TRAF3IP2: variants seen among roughly 807,000 people sequenced by gnomAD.
The protein encoded by TRAF3IP2 is TRAF3 interacting protein 2.
A neutral mutation model predicts 57.9 loss-of-function variants in TRAF3IP2; 35 were observed. That is an observed-to-expected ratio of 0.60 (90% CI 0.46 to 0.80). The LOEUF is 0.80. Among genes scored for constraint, TRAF3IP2 ranks in the 30% least tolerant of loss-of-function variants. The pLI, the probability that TRAF3IP2 is intolerant of heterozygous loss-of-function variation, is 0.00. For synonymous variants in TRAF3IP2, 251 were observed against 268.9 expected, an observed-to-expected ratio of 0.93 and a Z score of 0.65; for missense variants, 556 against 706.4, an observed-to-expected ratio of 0.79 and a Z score of 2.41.
intron 8 of TRAF3IP2, among the ~76,000 whole-genome samples, chr6:111,561,979 C>G (rs750064133): frequency 6.6e-6 from 1 of 152,302 alleles, no homozygotes; most frequent in African/African-American, 2.4e-5. Context: ...TGTCCCGTTC[C>G]CATAAACTGG....
intron 1 of TRAF3IP2, among the ~76,000 whole-genome samples, chr6:111,599,153 C>T (rs534879873): frequency 3.4e-5 from 5 of 147,600 alleles, no homozygotes; most frequent in Middle Eastern, 3.6e-3. Flanking sequence ...GGCAATCCTT[C>T]TGCCTCGTCC....
At chr6:111,589,210 G>A (rs1333250641) in intron 2 of TRAF3IP2, among the ~76,000 whole-genome samples, 10 of 151,422 alleles carry the variant, frequency 6.6e-5, no homozygotes, top group Non-Finnish European at 1.5e-4. Context: ...ACAGGCGCCC[G>A]CCACAACAAC....
chr6:111,605,569 T>C (rs1277001168), intron 1 of TRAF3IP2, among the ~76,000 whole-genome samples: 1 of 152,250 alleles, frequency 6.6e-6, no homozygotes, highest in African/African-American at 2.4e-5. Context: ...CCTGAAATAC[T>C]ATACTAGCAA....
In TRAF3IP2 at chr6:111,575,726, G is replaced by A. The variant is rs747713162; in HGVS notation, c.1118C>T (p.Pro373Leu). ...GGGTCTAGGCACAGCAGCTGGGGAC[G>A]GAGGCTGGGGAACCTGTGGTCTCAG... ...AELRPQVPQP[P>L]SPAAVPRPPS... Residue 373 changes from proline (P) to leucine (L), a missense_variant, in exon 4 of 9, where the codon CCG (proline) becomes CTG (leucine). Physicochemically the swap from Pro to Leu is moderately conservative, Grantham distance 98. This residue lies in a region of TRAF3IP2 where 428 missense variants were observed against 498.7 expected (regional missense o/e 0.86). Coordinates refer to ENST00000368761, the MANE Select transcript of TRAF3IP2 (RefSeq NM_147686.4). The A allele has an allele frequency of 2.5e-5, 41 of 1,612,640 alleles. 1 individual carries two copies. Among genetic ancestry groups the A allele is most frequent in the East Asian group, 8.9e-5 (4 of 44,870 alleles).
At chr6:111,565,519 C>T (rs1438544823) in intron 7 of TRAF3IP2, among the ~76,000 whole-genome samples, 1 of 152,122 alleles carries the variant, frequency 6.6e-6, no homozygotes, top group Non-Finnish European at 1.5e-5. Context: ...GAGGCGCAGA[C>T]CCAGCCCCTC....
At chr6:111,576,172 G>A (rs1795980009) in intron 3 of TRAF3IP2, among the ~76,000 whole-genome samples, 1 of 152,132 alleles carries the variant, frequency 6.6e-6, no homozygotes, top group Admixed American at 6.5e-5. Context: ...GATGTTATAG[G>A]CATTCAGATA....
At chr6:111,564,674 G>C (rs971145174) in intron 7 of TRAF3IP2, among the ~76,000 whole-genome samples, 6 of 152,192 alleles carry the variant, frequency 3.9e-5, no homozygotes, top group Non-Finnish European at 7.3e-5. Flanking sequence ...CCCCTTCTAT[G>C]ATGAGTAAGG....
Position 111,575,994 on chromosome 6 carries a change from C to T in TRAF3IP2, c.1023-173G>A, listed in dbSNP as rs60168810. On this transcript the variant is annotated intron_variant, in intron 3 of 8. Coordinates refer to ENST00000368761, the MANE Select transcript of TRAF3IP2 (RefSeq NM_147686.4). The stretch of plus-strand genomic sequence containing the variant: ...GCTCCATGGAGTTGTAGTCAATAAG[C>T]GTTTCAGCTGGCTGCCACATGTGAG... Among the ~76,000 whole-genome samples, 1,311 of 152,274 alleles carry T rather than the reference C, an allele frequency of 8.6e-3. 21 individuals carry two copies. The highest frequency in any genetic ancestry group is 0.03 in the African/African-American group (1,232 of 41,544).
intron 5 of TRAF3IP2, among the ~76,000 whole-genome samples, chr6:111,571,374 G>C (rs949997899): frequency 1.1e-4 from 16 of 152,126 alleles, no homozygotes; most frequent in Admixed American, 4.6e-4. Context: ...CACTGCGCCT[G>C]GCCATAGTTT....
intron 5 of TRAF3IP2, among the ~76,000 whole-genome samples, chr6:111,569,844 G>T (rs1015635620): frequency 6.6e-5 from 10 of 152,334 alleles, no homozygotes; most frequent in Middle Eastern, 6.8e-3. Flanking sequence ...GACATCCTGG[G>T]TGGTGCAATG....
intron 1 of TRAF3IP2, among the ~76,000 whole-genome samples, chr6:111,604,488 A>G (rs1317001915): frequency 1.3e-5 from 2 of 152,200 alleles, no homozygotes; most frequent in African/African-American, 4.8e-5. Flanking sequence ...GGACAATAGC[A>G]CAGACTATCC....
Position 111,569,952 on chromosome 6 carries a change from G to A in TRAF3IP2, c.1291-2260C>T, listed in dbSNP as rs116603666. 9.9e-4 allele frequency among the ~76,000 whole-genome samples: 150 copies of A among 152,206 alleles called. 1 individual carries two copies. Among genetic ancestry groups the A allele is most frequent in the African/African-American group, 3.3e-3 (138 of 41,520 alleles). ...CACAGCTACTATTATGGGCTGAATT[G>A]TGTTCCCAAAATTCCTATGTTGAAG... is the stretch of plus-strand genomic sequence containing the variant. On this transcript the variant is annotated intron_variant, in intron 5 of 8. Transcript: ENST00000368761.
At chr6:111,595,698 G>A (rs921547989) in intron 1 of TRAF3IP2, among the ~76,000 whole-genome samples, 1 of 152,042 alleles carries the variant, frequency 6.6e-6, no homozygotes, top group African/African-American at 2.4e-5. Flanking sequence ...CATGATGGCA[G>A]GCACCTGTAA....
At chr6:111,578,852 G>A (rs1250002613) in intron 3 of TRAF3IP2, among the ~76,000 whole-genome samples, 1 of 152,128 alleles carries the variant, frequency 6.6e-6, no homozygotes, top group Non-Finnish European at 1.5e-5. Context: ...ACTCTATGCT[G>A]TAAAAACAGA....
chr6:111,572,738 A>G, intron 5 of TRAF3IP2, 157 bp downstream of exon 5: 3 of 660,664 alleles, frequency 4.5e-6, no homozygotes, highest in Non-Finnish European at 7.7e-6. Flanking sequence ...AAATCTAGAA[A>G]ATTATTACCT....
intron 1 of TRAF3IP2, among the ~76,000 whole-genome samples, chr6:111,599,353 G>A (rs919162971): frequency 3.3e-5 from 5 of 151,880 alleles, no homozygotes; most frequent in African/African-American, 9.7e-5. Context: ...TTGCCTCCTC[G>A]GGCCTGATAC....
chr6:111,567,712 G>A lies in TRAF3IP2; in HGVS notation c.1291-20C>T. On this transcript the variant is annotated intron_variant, in intron 5 of 8. Transcript: ENST00000368761. ...GTCAATCTGCAAAAAAAAAGATGTG[G>A]GAGTTGGCCCTTAATGAGAGGTTCT... 6.3e-7 allele frequency: 1 copy of A among 1,596,082 alleles called. No homozygotes were observed. Among genetic ancestry groups the A allele is most frequent in the East Asian group, 2.3e-5 (1 of 44,396 alleles).
At chr6:111,571,745 T>G (rs1432405096) in intron 5 of TRAF3IP2, among the ~76,000 whole-genome samples, 1 of 151,864 alleles carries the variant, frequency 6.6e-6, no homozygotes, top group Non-Finnish European at 1.5e-5. Context: ...GCCAACATAG[T>G]GAAACCCCAT....
chr6:111,560,432 C>T (rs1472273492), intron 8 of TRAF3IP2, among the ~76,000 whole-genome samples: 1 of 152,154 alleles, frequency 6.6e-6, no homozygotes, highest in Non-Finnish European at 1.5e-5. Flanking sequence ...GCCCTGTAGG[C>T]CACCATAAGG....
Sources: allele counts gnomAD v4.1 joint callset (sites outside exome capture counted in the v4.1 genomes callset), GRCh38; gene constraint gnomAD v4.1.1; regional missense constraint gnomAD v4.1.1; transcripts MANE v1.5; gene names NCBI Gene and HGNC (gene_info 2026-07-23, HGNC 2026-07-21).